FBXL13: variants seen among roughly 807,000 people sequenced by gnomAD.
FBXL13 encodes the protein F-box and leucine-rich repeat protein 13.
Under a neutral mutation model 83.6 loss-of-function variants are expected in FBXL13, and 67 were observed. That is an observed-to-expected ratio of 0.80 (90% CI 0.66 to 0.98). The LOEUF is 0.98. Ranked by LOEUF, FBXL13 falls within the 50% of genes least tolerant of loss-of-function variation. The pLI is 0.00. For synonymous variants in FBXL13, 272 were observed against 299.5 expected (o/e 0.91, Z 0.95); for missense variants, 822 against 866.5 (o/e 0.95, Z 0.64).
chr7:102,873,070 T>A (rs1381133545), intron 16 of FBXL13, among the ~76,000 whole-genome samples: 3 of 152,232 alleles, frequency 2.0e-5, no homozygotes, highest in African/African-American at 7.2e-5. Context: ...AATAAACATC[T>A]TTCTGGATTT....
At chr7:102,928,758 T>G (rs1014304819) in intron 9 of FBXL13, among the ~76,000 whole-genome samples, 1 of 152,126 alleles carries the variant, frequency 6.6e-6, no homozygotes, top group African/African-American at 2.4e-5. Context: ...ACAGAAAGAG[T>G]AAATCCATTT....
At chr7:103,038,146 C>T (rs937475003) in intron 2 of FBXL13, among the ~76,000 whole-genome samples, 2 of 152,196 alleles carry the variant, frequency 1.3e-5, no homozygotes, top group African/African-American at 2.4e-5. Flanking sequence ...CAGGAGATAC[C>T]CTCCCTCCCA....
intron 7 of FBXL13, among the ~76,000 whole-genome samples, chr7:102,966,579 C>T (rs1181275531): frequency 6.6e-6 from 1 of 151,984 alleles, no homozygotes; most frequent in Non-Finnish European, 1.5e-5. Context: ...ACACGTCTGC[C>T]CAGAGATCTC....
chr7:103,054,227 C>G (rs551993669), intron 2 of FBXL13, among the ~76,000 whole-genome samples: 1 of 151,944 alleles, frequency 6.6e-6, no homozygotes, highest in South Asian at 2.1e-4. Flanking sequence ...TTTACTAAAA[C>G]ACAAAAAATT....
intron 1 of FBXL13, among the ~76,000 whole-genome samples, chr7:103,063,853 C>A (rs1396516790): frequency 6.6e-6 from 1 of 151,384 alleles, no homozygotes; most frequent in Non-Finnish European, 1.5e-5. Flanking sequence ...TCATGTGGGG[C>A]CTAGGAAGGT....
intron 8 of FBXL13, among the ~76,000 whole-genome samples, chr7:102,955,801 T>C (rs910898386): frequency 8.5e-5 from 13 of 152,098 alleles, no homozygotes; most frequent in Non-Finnish European, 1.6e-4. Flanking sequence ...GATAAATTCC[T>C]GGACACATAC....
intron 18 of FBXL13, among the ~76,000 whole-genome samples, chr7:102,822,744 A>C (rs950984297): frequency 8.5e-5 from 13 of 152,240 alleles, no homozygotes; most frequent in African/African-American, 3.1e-4. Context: ...TAAGGTCAGA[A>C]CAGTAAAATA....
intron 18 of FBXL13, among the ~76,000 whole-genome samples, chr7:102,831,981 A>G (rs1002435715): frequency 1.2e-4 from 18 of 152,190 alleles, no homozygotes; most frequent in Non-Finnish European, 2.2e-4. Flanking sequence ...GTTACAATGT[A>G]TTTTGGAAAG....
At chr7:102,978,463 G>A (rs1827790486) in intron 6 of FBXL13, 1 of 153,734 alleles carries the variant, frequency 6.5e-6, no homozygotes, top group South Asian at 2.0e-4. Context: ...CCGGCCAGAA[G>A]ACACCTACTC....
At chr7:102,995,802 A>AATAG (rs1198022244) in intron 6 of FBXL13, among the ~76,000 whole-genome samples, 1 of 151,620 alleles carries the variant, frequency 6.6e-6, no homozygotes, top group Non-Finnish European at 1.5e-5. Context: ...TAAATAAATA[A>AATAG]ATAAATAAAT....
At chr7:102,852,848 G>A (rs534615241) in intron 17 of FBXL13, among the ~76,000 whole-genome samples, 13 of 150,466 alleles carry the variant, frequency 8.6e-5, no homozygotes, top group Non-Finnish European at 1.3e-4. Flanking sequence ...GTATCTACCC[G>A]GAGGAAAAGA....
At chr7:103,023,211 G>A (rs1793425730) in intron 6 of FBXL13, among the ~76,000 whole-genome samples, 1 of 152,174 alleles carries the variant, frequency 6.6e-6, no homozygotes, top group Non-Finnish European at 1.5e-5. Context: ...GGGAGGTGGA[G>A]CCTGCAGTGA....
At chr7:102,971,737 A>C (rs1826698397) in intron 6 of FBXL13, among the ~76,000 whole-genome samples, 1 of 151,316 alleles carries the variant, frequency 6.6e-6, no homozygotes, top group African/African-American at 2.4e-5. Context: ...GTCTCTAAAA[A>C]ATTTAAGGCC....
chr7:103,053,503 C>T (rs1797041830), intron 2 of FBXL13, among the ~76,000 whole-genome samples: 1 of 152,206 alleles, frequency 6.6e-6, no homozygotes, highest in Non-Finnish European at 1.5e-5. Flanking sequence ...TAGCTGGACA[C>T]TGGACACAGC....
rs190387343 is a variant in FBXL13 at position 102,852,446 on chromosome 7, G to T, written c.1719+2331C>A. On this transcript the variant is annotated intron_variant, in intron 17 of 19. Transcript: ENST00000313221. ...TTCACAATCTATACATCTGACAAAG[G>T]ACTAAGATCCAAAATCTACAACGAA... Among the ~76,000 whole-genome samples, 509 of 151,966 alleles carry T rather than the reference G, an allele frequency of 3.3e-3. 2 individuals carry two copies. The highest frequency in any genetic ancestry group is 0.012 in the African/African-American group (496 of 41,438).
chr7:103,022,198 G>A (rs1463027712), intron 6 of FBXL13, among the ~76,000 whole-genome samples: 3 of 152,208 alleles, frequency 2.0e-5, no homozygotes, highest in Admixed American at 6.5e-5. Flanking sequence ...GATGAAGCTG[G>A]AAACCATCAT....
chr7:102,826,896 G>A (rs1011136459), intron 18 of FBXL13, among the ~76,000 whole-genome samples: 1 of 147,000 alleles, frequency 6.8e-6, no homozygotes, highest in African/African-American at 2.5e-5. Context: ...TTATCTTCTT[G>A]CATATTATGT....
chr7:102,937,204 T>C (rs1051703893), intron 8 of FBXL13, among the ~76,000 whole-genome samples: 1 of 152,122 alleles, frequency 6.6e-6, no homozygotes, highest in Non-Finnish European at 1.5e-5. Flanking sequence ...TTTTAGATTA[T>C]AAGACGAAGG....
At chr7:102,836,089 G>C (rs555513666) in intron 17 of FBXL13, among the ~76,000 whole-genome samples, 2 of 152,328 alleles carry the variant, frequency 1.3e-5, no homozygotes, top group African/African-American at 4.8e-5. Flanking sequence ...ACCCTCTTCA[G>C]TAGCATCTGC....
Sources: allele counts gnomAD v4.1 joint callset (sites outside exome capture counted in the v4.1 genomes callset), GRCh38; gene constraint gnomAD v4.1.1; transcripts MANE v1.5; gene names NCBI Gene and HGNC (gene_info 2026-07-23, HGNC 2026-07-21).